Variants in MS4A8 observed in about 807,000 individuals in gnomAD.
The protein encoded by MS4A8 is membrane-spanning 4-domains subfamily A member 8.
Under a neutral mutation model 23.7 loss-of-function variants are expected in MS4A8, and 27 were observed. The observed-to-expected ratio is 1.14, with a 90% confidence interval of 0.84 to 1.57. The LOEUF is 1.57. MS4A8 is among the 40% of genes most tolerant of loss of function. MS4A8 has a pLI of 0.00. For synonymous variants in MS4A8, 138 were observed against 126.3 expected, an observed-to-expected ratio of 1.09 and a Z score of -0.62; for missense variants, 301 against 311.4, an observed-to-expected ratio of 0.97 and a Z score of 0.25.
chr11:60,701,397 G>A (rs773073347), intron 2 of MS4A8: 72 of 472,106 alleles, frequency 1.5e-4, no homozygotes, highest in Admixed American at 2.8e-5. Context: ...GTCCCAGCAA[G>A]ACCAAAATAG....
At position 60,715,115 on chromosome 11, in the gene MS4A8, T is replaced by C. The variant is rs758819733; in HGVS notation, c.629T>C (p.Val210Ala). Residue 210 changes from valine (V) to alanine (A), a missense_variant, in exon 6 of 7, where the codon GTC becomes GCC. Physicochemically the swap from Val to Ala is moderately conservative, Grantham distance 64. Coordinates refer to ENST00000300226, the MANE Select transcript of MS4A8 (RefSeq NM_031457.2). ...TCTTCCCACTTTGGCTGCCAGTTGG[T>C]CTGCTGTCAATCAAGCAATGTGAGT... is the stretch of plus-strand genomic sequence containing the variant. The part of the protein sequence containing the change: ...CASSHFGCQL[V>A]CCQSSNVSVI... 2 of 1,613,828 alleles carry C rather than the reference T, an allele frequency of 1.2e-6. No individual in the cohort carries two copies. The highest frequency in any genetic ancestry group is 1.7e-6 in the Non-Finnish European group (2 of 1,179,742).
rs2134664561 is a variant in MS4A8 at position 60,715,614 on chromosome 11, A to G, written c.*200A>G. ...CAAGAAGAAGACAGAGATTTTAAAC[A>G]GATGTTAACCAAGAGGGACTCCCTA... On this transcript the variant is annotated 3_prime_UTR_variant, in exon 7 of 7. Transcript: ENST00000300226. 1.7e-6 allele frequency: 1 copy of G among 573,616 alleles called. No homozygotes were observed. The highest frequency in any genetic ancestry group is 2.0e-5 in the South Asian group (1 of 49,878). 35.5% of individuals were successfully genotyped at this position (573,616 alleles called of 1,614,324 possible). A position where few individuals can be genotyped will look rare whatever the true frequency, so the allele number is the denominator to read the frequency against.
At chr11:60,706,453 T>C (rs1409050127) in intron 3 of MS4A8, among the ~76,000 whole-genome samples, 1 of 152,238 alleles carries the variant, frequency 6.6e-6, no homozygotes, top group Admixed American at 6.5e-5. Context: ...CAAGGATTGA[T>C]GTCAGGCTTC....
At chr11:60,703,272 T>A in intron 2 of MS4A8, 106 bp from the exon 3 acceptor site, 2 of 1,304,628 alleles carry the variant, frequency 1.5e-6, no homozygotes, top group Non-Finnish European at 2.0e-6. Flanking sequence ...CCATATTACT[T>A]TTTAGACCAT....
At position 60,715,457 on chromosome 11, in the gene MS4A8, G is replaced by T. The variant is rs1565054771; in HGVS notation, c.*43G>T. On this transcript the variant is annotated 3_prime_UTR_variant, in exon 7 of 7. Coordinates refer to ENST00000300226, the MANE Select transcript of MS4A8 (RefSeq NM_031457.2). ...GCATCTTTCACTGGGACCAAAAGAA[G>T]TCCTCCTCCCTTTCTGGGCTTCCAT... is the stretch of plus-strand genomic sequence containing the variant. The T allele has an allele frequency of 4.0e-6, 6 of 1,514,688 alleles. No individual in the cohort carries two copies. Among genetic ancestry groups the T allele is most frequent in the Non-Finnish European group, 5.5e-6 (6 of 1,095,214 alleles). 93.8% of individuals were successfully genotyped at this position (1,514,688 alleles called of 1,614,324 possible).
intron 1 of MS4A8, among the ~76,000 whole-genome samples, chr11:60,700,177 A>G (rs987747080): frequency 6.6e-6 from 1 of 152,202 alleles, no homozygotes; most frequent in Non-Finnish European, 1.5e-5. Flanking sequence ...AATTGAACTC[A>G]ATGTTGTCCA....
At chr11:60,714,958 G>A (rs2088330160) in intron 5 of MS4A8, 63 bp from the exon 6 acceptor site, 3 of 1,159,420 alleles carry the variant, frequency 2.6e-6, no homozygotes, top group African/African-American at 1.5e-5. Flanking sequence ...CAGGGCCCCA[G>A]TGAGAGGTCA....
chr11:60,714,994 T>G, intron 5 of MS4A8, 27 bp from the exon 6 acceptor site: 1 of 1,546,436 alleles, frequency 6.5e-7, no homozygotes, highest in Non-Finnish European at 8.9e-7. Flanking sequence ...CCCGTGCTCC[T>G]GTCCTCCCCA....
At chr11:60,713,630 G>T (rs993476446) in intron 5 of MS4A8, among the ~76,000 whole-genome samples, 1 of 151,664 alleles carries the variant, frequency 6.6e-6, no homozygotes, top group Non-Finnish European at 1.5e-5. Flanking sequence ...GCCCAGAGAC[G>T]AGCAGGAGAC....
chr11:60,715,572 C>T lies in MS4A8; in HGVS notation c.*158C>T, dbSNP rs888134388. On this transcript the variant is annotated 3_prime_UTR_variant, in exon 7 of 7. Coordinates refer to ENST00000300226, the MANE Select transcript of MS4A8 (RefSeq NM_031457.2). ...TCATTCTTCAATTCAGTCTAGGAAA[C>T]CATGCTGTTTCTCTATCAAGAAGAA... 1 of 617,496 alleles carries T rather than the reference C, an allele frequency of 1.6e-6. No individual in the cohort carries two copies. Among genetic ancestry groups the T allele is most frequent in the African/African-American group, 1.9e-5 (1 of 54,028 alleles). 38.3% of individuals were successfully genotyped at this position (617,496 alleles called of 1,614,324 possible).
chr11:60,714,889 T>A (rs2088329564), intron 5 of MS4A8, 132 bp from the exon 6 acceptor site: 1 of 659,684 alleles, frequency 1.5e-6, no homozygotes, highest in Non-Finnish European at 2.8e-6. Context: ...GTGGGAAATT[T>A]CCCCCCACGA....
At chr11:60,703,147 G>A in intron 2 of MS4A8, 1 of 358,452 alleles carries the variant, frequency 2.8e-6, no homozygotes, top group Non-Finnish European at 4.9e-6. Flanking sequence ...GCCATGTTGT[G>A]CTATCAAGGT....
chr11:60,707,101 C>A, intron 4 of MS4A8, 54 bp downstream of exon 4: 1 of 1,503,440 alleles, frequency 6.7e-7, no homozygotes, highest in South Asian at 1.1e-5. Flanking sequence ...AGAATGGTGT[C>A]ACAAAGGGGA....
At chr11:60,707,111 A>G (rs2088262178) in intron 4 of MS4A8, 64 bp downstream of exon 4, 1 of 1,440,782 alleles carries the variant, frequency 6.9e-7, no homozygotes, top group African/African-American at 1.4e-5. Context: ...CACAAAGGGG[A>G]AAATAAGGTC....
At chr11:60,709,583 T>G (rs1263644849) in intron 5 of MS4A8, among the ~76,000 whole-genome samples, 3 of 152,242 alleles carry the variant, frequency 2.0e-5, no homozygotes, top group Non-Finnish European at 4.4e-5. Context: ...TGGGACCAGC[T>G]ACATCTCAAG....
chr11:60,710,344 A>T (rs1429804208), intron 5 of MS4A8, among the ~76,000 whole-genome samples: 3 of 152,092 alleles, frequency 2.0e-5, no homozygotes, highest in Non-Finnish European at 4.4e-5. Context: ...TGATCTCCAG[A>T]TTTCACTTCC....
intron 4 of MS4A8, 141 bp downstream of exon 4, chr11:60,707,188 G>A (rs1444128088): frequency 2.2e-5 from 18 of 816,758 alleles, no homozygotes; most frequent in Non-Finnish European, 3.3e-5. Flanking sequence ...ACACATTCCC[G>A]CTCATACAGA....
Position 60,707,030 on chromosome 11 carries a change from C to G in MS4A8, c.385C>G (p.Pro129Ala). ...TCTCTCCGTGGCAGCAGAAAATCAGCCATATTCTTATTGCCTGGTAAGTTA... is the reference window on the plus strand; with the variant it reads ...TCTCTCCGTGGCAGCAGAAAATCAGGCATATTCTTATTGCCTGGTAAGTTA... The part of the protein sequence containing the change: ...GSLSVAAENQ[P>A]YSYCLLSGSL... Residue 129 changes from proline to alanine, a missense_variant, in exon 4 of 7, where the codon CCA (proline) becomes GCA (alanine). By Grantham distance (27) the Pro-to-Ala change is conservative. Transcript: ENST00000300226. 6.2e-7 allele frequency: 1 copy of G among 1,613,996 alleles called. No individual in the cohort carries two copies. The highest frequency in any genetic ancestry group is 8.5e-7 in the Non-Finnish European group (1 of 1,179,844).
chr11:60,709,659 G>C (rs1190664978), intron 5 of MS4A8, among the ~76,000 whole-genome samples: 3 of 152,194 alleles, frequency 2.0e-5, no homozygotes, highest in Non-Finnish European at 4.4e-5. Context: ...TGAGCTACCT[G>C]TGTCCCACGT....
Sources: gnomAD v4.1 joint callset for allele counts (sites outside exome capture counted in the v4.1 genomes callset) on GRCh38, gnomAD v4.1.1 for gene constraint, MANE v1.5 for transcripts, NCBI Gene and HGNC (gene_info 2026-07-23, HGNC 2026-07-21) for gene names.